Variants in THSD4 observed in about 807,000 individuals in gnomAD.
The protein encoded by THSD4 is thrombospondin type 1 domain containing 4, also known as thrombospondin type-1 domain-containing protein 4.
Under a neutral mutation model 119.0 loss-of-function variants are expected in THSD4, and 69 were observed. The ratio of observed to expected loss-of-function variants is 0.58; its 90% CI spans 0.48 to 0.71. THSD4 has a LOEUF of 0.71. Ranked by LOEUF, THSD4 falls within the 30% of genes least tolerant of loss-of-function variation. The pLI, the probability that THSD4 is intolerant of heterozygous loss-of-function variation, is 0.00. For synonymous variants in THSD4, 524 were observed against 540.4 expected (o/e 0.97, Z 0.42); for missense variants, 1,393 against 1,391.1 (o/e 1.00, Z -0.02).
At chr15:71,497,154 T>C (rs1197069787) in intron 7 of THSD4, among the ~76,000 whole-genome samples, 1 of 152,244 alleles carries the variant, frequency 6.6e-6, no homozygotes, top group Non-Finnish European at 1.5e-5. Context: ...AATACCATTA[T>C]ACAGGCGAAT....
intron 8 of THSD4, among the ~76,000 whole-genome samples, chr15:71,702,173 G>T (rs952583049): frequency 6.6e-6 from 1 of 152,102 alleles, no homozygotes; most frequent in African/African-American, 2.4e-5. Context: ...TTCCTTGAGG[G>T]CAGGCCTCGT....
chr15:71,630,883 C>G (rs553985885), intron 7 of THSD4, among the ~76,000 whole-genome samples: 1 of 152,224 alleles, frequency 6.6e-6, no homozygotes, highest in Non-Finnish European at 1.5e-5. Flanking sequence ...CACTCCAGCT[C>G]TATCCACATT....
chr15:71,480,633 C>T (rs1460186722), intron 7 of THSD4, among the ~76,000 whole-genome samples: 1 of 152,178 alleles, frequency 6.6e-6, no homozygotes, highest in Non-Finnish European at 1.5e-5. Context: ...GCCTCTTACA[C>T]CCTTCCTGGG....
rs548263613 is a variant in THSD4, at chr15:71,436,017, A to G, written c.1152+24194A>G. Among the ~76,000 whole-genome samples the G allele has an allele frequency of 9.2e-5, 14 of 152,300 alleles. No homozygotes were observed. The South Asian group carries it at 2.7e-3, about 29-fold the overall frequency. On this transcript the variant is annotated intron_variant, in intron 7 of 17. Coordinates refer to ENST00000261862, the MANE Select transcript of THSD4 (RefSeq NM_024817.3). The stretch of plus-strand genomic sequence containing the variant: ...GACGTGACCTGAAAATCACACCCCC[A>G]GAGGCAGAGACCAAGGGAGAATGCT...
intron 7 of THSD4, among the ~76,000 whole-genome samples, chr15:71,651,821 T>G (rs2051095652): frequency 6.6e-6 from 1 of 152,242 alleles, no homozygotes; most frequent in African/African-American, 2.4e-5. Flanking sequence ...TCACTGCTTC[T>G]TGTACTTAAA....
At chr15:71,215,926 C>T (rs2043928913) in intron 4 of THSD4, among the ~76,000 whole-genome samples, 1 of 152,176 alleles carries the variant, frequency 6.6e-6, no homozygotes, top group African/African-American at 2.4e-5. Context: ...TTTGAGTCAA[C>T]ACATTGGTTT....
chr15:71,498,414 T>C (rs1354068910), intron 7 of THSD4, among the ~76,000 whole-genome samples: 1 of 152,206 alleles, frequency 6.6e-6, no homozygotes, highest in African/African-American at 2.4e-5. Context: ...TGTGCTTGGG[T>C]GTTGATAATG....
chr15:71,104,518 T>C (rs2040266099), intron 1 of THSD4, among the ~76,000 whole-genome samples: 1 of 152,154 alleles, frequency 6.6e-6, no homozygotes, highest in Non-Finnish European at 1.5e-5. Context: ...AAAACCAAAC[T>C]CTGAAAATAT....
intron 7 of THSD4, among the ~76,000 whole-genome samples, chr15:71,629,072 C>G (rs997397061): frequency 1.3e-5 from 2 of 152,124 alleles, no homozygotes; most frequent in Admixed American, 1.3e-4. Flanking sequence ...ACTTACCAGA[C>G]CCTTGAAACA....
At chr15:71,406,112 T>G (rs74993114) in intron 6 of THSD4, among the ~76,000 whole-genome samples, 2 of 149,126 alleles carry the variant, frequency 1.3e-5, no homozygotes, top group African/African-American at 2.5e-5. Context: ...TTTTCCTGTG[T>G]TTTTTTTTTC....
At chr15:71,397,585 A>G (rs2046470045) in intron 6 of THSD4, among the ~76,000 whole-genome samples, 2 of 152,228 alleles carry the variant, frequency 1.3e-5, no homozygotes, top group Non-Finnish European at 2.9e-5. Flanking sequence ...ATTGCTTCAT[A>G]CATGGCACCA....
At chr15:71,491,766 G>A (rs146446751) in intron 7 of THSD4, among the ~76,000 whole-genome samples, 3 of 152,312 alleles carry the variant, frequency 2.0e-5, no homozygotes, top group African/African-American at 4.8e-5. Flanking sequence ...CTACTTGGGA[G>A]GCTGAGGTGG....
At chr15:71,531,596 G>C (rs1222195134) in intron 7 of THSD4, among the ~76,000 whole-genome samples, 1 of 152,230 alleles carries the variant, frequency 6.6e-6, no homozygotes, top group Non-Finnish European at 1.5e-5. Context: ...TCATGAGCAA[G>C]TCACTTAACT....
intron 4 of THSD4, among the ~76,000 whole-genome samples, chr15:71,241,362 C>A (rs2044151307): frequency 6.6e-6 from 1 of 152,198 alleles, no homozygotes; most frequent in African/African-American, 2.4e-5. Flanking sequence ...AAGGCGAAAC[C>A]TTTTCTGATC....
chr15:71,368,397 C>T (rs1466674783), intron 6 of THSD4, among the ~76,000 whole-genome samples: 2 of 152,142 alleles, frequency 1.3e-5, no homozygotes, highest in Admixed American at 6.5e-5. Flanking sequence ...AGGTTTTCTT[C>T]TAGGGTTTTT....
intron 6 of THSD4, among the ~76,000 whole-genome samples, chr15:71,380,643 G>C (rs190364141): frequency 1.3e-5 from 2 of 152,146 alleles, no homozygotes; most frequent in African/African-American, 4.8e-5. Flanking sequence ...GAGTCTAACT[G>C]ATCATAGCCC....
chr15:71,420,688 T>C (rs537983994), intron 7 of THSD4, among the ~76,000 whole-genome samples: 3 of 107,958 alleles, frequency 2.8e-5, no homozygotes, highest in African/African-American at 9.5e-5. Context: ...TACAGTTCAT[T>C]ATTTTAAACT....
intron 6 of THSD4, among the ~76,000 whole-genome samples, chr15:71,402,098 G>C (rs2046542775): frequency 6.8e-6 from 1 of 147,456 alleles, no homozygotes; most frequent in African/African-American, 2.5e-5. Flanking sequence ...ACTGGGGCCT[G>C]TCGTGGGGTG....
chr15:71,436,612 G>A (rs1044360054), intron 7 of THSD4, among the ~76,000 whole-genome samples: 23 of 152,110 alleles, frequency 1.5e-4, no homozygotes, highest in African/African-American at 4.8e-4. Context: ...CATCTGTAGG[G>A]ACCAAGGGAA....
Sources: allele counts gnomAD v4.1 joint callset (sites outside exome capture counted in the v4.1 genomes callset), GRCh38; gene constraint gnomAD v4.1.1; transcripts MANE v1.5; gene names NCBI Gene and HGNC (gene_info 2026-07-23, HGNC 2026-07-21).